Variants in MARCHF7 observed in about 807,000 individuals in gnomAD.
MARCHF7 encodes E3 ubiquitin-protein ligase MARCHF7.
MARCHF7 carries 20 observed loss-of-function variants against 76.5 expected under a neutral mutation model. The observed-to-expected ratio is 0.26, with a 90% confidence interval of 0.18 to 0.38. MARCHF7 has a LOEUF of 0.38. Ranked by LOEUF, MARCHF7 falls within the 10% of genes least tolerant of loss-of-function variation. The probability of loss-of-function intolerance (pLI) is 1.00; values close to 1 mark genes in which losing one functional copy is unlikely to be tolerated. For synonymous variants in MARCHF7, 295 were observed against 293.0 expected, an observed-to-expected ratio of 1.01 and a Z score of -0.07; for missense variants, 797 against 812.9, an observed-to-expected ratio of 0.98 and a Z score of 0.24.
chr2:159,738,302 C>A (rs887619038), intron 4 of MARCHF7, among the ~76,000 whole-genome samples: 4 of 152,146 alleles, frequency 2.6e-5, no homozygotes, highest in Non-Finnish European at 4.4e-5. Flanking sequence ...CAGGGAGCTC[C>A]TAGGTCTGGA....
In MARCHF7 at chr2:159,743,064, A is replaced by ACATCAG. The variant is rs1560010146; in HGVS notation, c.168_173dup (p.Ala59_Ser60dup). 3 of 1,613,032 alleles carry ACATCAG rather than the reference A, an allele frequency of 1.9e-6. No individual in the cohort carries two copies. Among genetic ancestry groups the ACATCAG allele is most frequent in the Non-Finnish European group, 8.5e-7 (1 of 1,179,502 alleles). On this transcript the variant is annotated inframe_insertion, in exon 5 of 12. Transcript: ENST00000409175. The stretch of plus-strand genomic sequence containing the variant: ...AAAAATTTTTTTGAACTCACAGTCT[A>ACATCAG]CATCAGCATCAGCATCTGCGTCACC...
chr2:159,715,599 G>A (rs995261338), intron 2 of MARCHF7, 82 bp from the exon 3 acceptor site: 3 of 152,114 alleles, frequency 2.0e-5, no homozygotes, highest in Non-Finnish European at 4.4e-5. Flanking sequence ...TCCCACCTCA[G>A]CCTCCCAAAG....
At chr2:159,752,723 G>A (rs1181554815) in intron 8 of MARCHF7, 152 bp downstream of exon 8, 1 of 669,096 alleles carries the variant, frequency 1.5e-6, no homozygotes, top group Non-Finnish European at 2.3e-6. Context: ...AAGAGCATTA[G>A]TGTTTCTTTG....
rs562165720 is a variant in MARCHF7, at chr2:159,717,643, TAGAA to T, written c.-15+1880_-15+1883del. ...CTACTAAGGCTGTAAACCAGCAAAT[TAGAA>T]AGGGAATTATTCTCCTTAGGACTTC... On this transcript the variant is annotated intron_variant, in intron 3 of 11. Coordinates refer to ENST00000409175, the MANE Select transcript of MARCHF7 (RefSeq NM_001282805.2). Among the ~76,000 whole-genome samples, 16 of 152,330 alleles carry T rather than the reference TAGAA, an allele frequency of 1.1e-4. No homozygotes were observed. The South Asian group carries it at 2.3e-3, about 22-fold the overall frequency.
rs541724783 is a variant in MARCHF7, at chr2:159,721,776, A to G, written c.-15+6010A>G. Among the ~76,000 whole-genome samples the G allele has an allele frequency of 2.6e-5, 4 of 152,324 alleles. No homozygotes were observed. In the East Asian group the frequency reaches 5.8e-4, roughly 22 times the overall value. On this transcript the variant is annotated intron_variant, in intron 3 of 11. Transcript: ENST00000409175. ...GTGGATCTATCATGACTGGGACTTC[A>G]GTGAGGCATACTTCACTGCCCTATC...
At chr2:159,723,563 CT>C (rs1320719929) in intron 3 of MARCHF7, among the ~76,000 whole-genome samples, 7 of 152,166 alleles carry the variant, frequency 4.6e-5, no homozygotes, top group African/African-American at 1.7e-4. Flanking sequence ...TCTTTTAGGA[CT>C]TACATACTTT....
At chr2:159,764,506 A>G (rs1181036458) in intron 10 of MARCHF7, 120 bp from the exon 11 acceptor site, 1 of 597,914 alleles carries the variant, frequency 1.7e-6, no homozygotes, top group Non-Finnish European at 2.7e-6. Context: ...AAAAACCCCT[A>G]TTTAAAGGCT....
intron 6 of MARCHF7, among the ~76,000 whole-genome samples, chr2:159,747,148 G>A (rs932006812): frequency 3.3e-5 from 5 of 152,084 alleles, no homozygotes; most frequent in Admixed American, 2.0e-4. Context: ...GGAATCCTTT[G>A]AAAAGTGCAG....
intron 3 of MARCHF7, among the ~76,000 whole-genome samples, chr2:159,725,797 G>A (rs191117776): frequency 1.3e-5 from 2 of 152,268 alleles, no homozygotes; most frequent in African/African-American, 4.8e-5. Flanking sequence ...TTAGAGGGAA[G>A]CATTAAAAAT....
At chr2:159,754,604 G>C (rs1391244684) in intron 8 of MARCHF7, among the ~76,000 whole-genome samples, 1 of 152,068 alleles carries the variant, frequency 6.6e-6, no homozygotes. Context: ...TTTTGAGGTA[G>C]GGGATTTTAA....
intron 5 of MARCHF7, 61 bp downstream of exon 5, chr2:159,743,314 C>A: frequency 6.7e-7 from 1 of 1,486,636 alleles, no homozygotes; most frequent in Non-Finnish European, 9.2e-7. Context: ...CACAGTTGTT[C>A]TTAGTTTTGG....
At chr2:159,720,847 T>G (rs1003778171) in intron 3 of MARCHF7, among the ~76,000 whole-genome samples, 1 of 152,116 alleles carries the variant, frequency 6.6e-6, no homozygotes, top group East Asian at 1.9e-4. Flanking sequence ...TTACTTCTAT[T>G]AATAGCTTAA....
At chr2:159,720,225 C>T (rs1435138344) in intron 3 of MARCHF7, among the ~76,000 whole-genome samples, 6 of 152,310 alleles carry the variant, frequency 3.9e-5, no homozygotes, top group Admixed American at 1.3e-4. Context: ...GGGGTTTCAC[C>T]ATGTTGGCCA....
intron 8 of MARCHF7, among the ~76,000 whole-genome samples, chr2:159,758,481 G>GT (rs1706603723): frequency 1.3e-5 from 2 of 152,292 alleles, no homozygotes; most frequent in East Asian, 1.9e-4. Flanking sequence ...CCATTAAGCA[G>GT]TAACTCCTTA....
Position 159,748,864 on chromosome 2 carries a change from C to T in MARCHF7, c.1574C>T (p.Pro525Leu). ...DGKSDKTKSA[P>L]SRDPERLQKI... ...AAAAGTGATAAAACTAAAAGTGCGCCTTCAAGAGATCCAGAAAGATTGCAG... is the reference window on the plus strand; with the variant it reads ...AAAAGTGATAAAACTAAAAGTGCGCTTTCAAGAGATCCAGAAAGATTGCAG... Residue 525 changes from proline (P) to leucine (L), a missense_variant, in exon 7 of 12, where the codon CCT (proline) becomes CTT (leucine). Physicochemically the swap from Pro to Leu is moderately conservative, Grantham distance 98 (BLOSUM62 -3). Around this residue, in one of 3 missense-constraint regions of MARCHF7, gnomAD observed 643 missense variants for 631.5 expected, o/e 1.02. Coordinates refer to ENST00000409175, the MANE Select transcript of MARCHF7 (RefSeq NM_001282805.2). 1.2e-6 allele frequency: 2 copies of T among 1,612,272 alleles called. No homozygotes were observed. The highest frequency in any genetic ancestry group is 1.1e-5 in the South Asian group (1 of 90,798).
At chr2:159,726,218 GGTTTTGTTTTGTTTTGTTTTGTTTT>G (rs71969424) in intron 3 of MARCHF7, among the ~76,000 whole-genome samples, 1,449 of 127,926 alleles carry the variant, frequency 0.011, 23 homozygotes, top group South Asian at 0.077. Context: ...TCCAGATACA[GGTTTTGTTTTGTTTTGTTTTGTTTT>G]GTTTTGTTTT....
intron 10 of MARCHF7, among the ~76,000 whole-genome samples, chr2:159,764,314 T>C (rs796143295): frequency 3.9e-5 from 6 of 151,962 alleles, no homozygotes; most frequent in African/African-American, 1.4e-4. Flanking sequence ...GTTTTTTGTT[T>C]TTTGTTTTTT....
chr2:159,720,214 T>TG (rs1227141354), intron 3 of MARCHF7, among the ~76,000 whole-genome samples: 2 of 152,138 alleles, frequency 1.3e-5, no homozygotes, highest in Non-Finnish European at 2.9e-5. Context: ...TTAGTAGAGA[T>TG]GGGGTTTCAC....
chr2:159,758,178 C>G (rs1218045191), intron 8 of MARCHF7, among the ~76,000 whole-genome samples: 1 of 152,020 alleles, frequency 6.6e-6, no homozygotes, highest in Non-Finnish European at 1.5e-5. Flanking sequence ...CATTTGAAAC[C>G]CTCTCTAAAT....
Sources: gnomAD v4.1 joint callset for allele counts (sites outside exome capture counted in the v4.1 genomes callset) on GRCh38, gnomAD v4.1.1 for gene constraint, gnomAD v4.1.1 regional missense constraint, MANE v1.5 for transcripts, NCBI Gene and HGNC (gene_info 2026-07-23, HGNC 2026-07-21) for gene names.